The following PDCD11 variants were observed in gnomAD, a reference collection of about 807,000 sequenced individuals.
The protein encoded by PDCD11 is protein RRP5 homolog.
In PDCD11, 97 loss-of-function variants were observed where a neutral mutation model predicts 198.9. That is an observed-to-expected ratio of 0.49 (90% CI 0.41 to 0.58). The LOEUF (loss-of-function observed/expected upper bound fraction) is 0.58, where lower values mean the gene tolerates loss of function less well. PDCD11 is among the 20% of genes least tolerant of loss of function. The pLI is 0.00. For synonymous variants in PDCD11, 893 were observed against 918.0 expected, an observed-to-expected ratio of 0.97 and a Z score of 0.49; for missense variants, 2,102 against 2,312.7, an observed-to-expected ratio of 0.91 and a Z score of 1.87.
chr10:103,413,380 CAGG>C, intron 9 of PDCD11, 58 bp downstream of exon 9: 1 of 1,389,652 alleles, frequency 7.2e-7, no homozygotes, highest in Non-Finnish European at 1.0e-6. Flanking sequence ...TTCTGGAGCA[CAGG>C]GGGCCATTTC....
chr10:103,408,276 G>A (rs1251453484), intron 7 of PDCD11, among the ~76,000 whole-genome samples: 1 of 151,824 alleles, frequency 6.6e-6, no homozygotes, highest in Non-Finnish European at 1.5e-5. Context: ...GGTATCCTAG[G>A]ACTTCCCTTC....
At chr10:103,421,702 C>T (rs141364482) in intron 17 of PDCD11, 135 bp downstream of exon 17, 256 of 625,494 alleles carry the variant, frequency 4.1e-4, no homozygotes, top group Non-Finnish European at 5.5e-4. Flanking sequence ...CGGTGGCTCA[C>T]GCCTGTAATC....
Position 103,421,421 on chromosome 10 carries a change from C to G in PDCD11, c.2351C>G (p.Thr784Ser). Residue 784 changes from threonine to serine, a missense_variant, in exon 17 of 36, where the codon ACC (threonine) becomes AGC (serine). Thr to Ser is a moderately conservative substitution (Grantham distance 58). Transcript: ENST00000369797. Reference sequence around the variant, plus strand: ...GGCCAGACAGTAGCGGCAAAGGTGACCAATGTGGATGAGGAGAAGCAGCGG... The same window carrying G: ...GGCCAGACAGTAGCGGCAAAGGTGAGCAATGTGGATGAGGAGAAGCAGCGG... ...VEGQTVAAKV[T>S]NVDEEKQRML... The G allele has an allele frequency of 6.2e-7, 1 of 1,608,182 alleles. No homozygotes were observed. Among genetic ancestry groups the G allele is most frequent in the Non-Finnish European group, 8.5e-7 (1 of 1,177,374 alleles).
At chr10:103,401,562 G>A (rs2030063291) in intron 3 of PDCD11, among the ~76,000 whole-genome samples, 1 of 151,554 alleles carries the variant, frequency 6.6e-6, no homozygotes, top group Non-Finnish European at 1.5e-5. Context: ...AGCCACCGCG[G>A]CCAGCCTGCC....
At chr10:103,426,940 T>TA (rs1260208262) in intron 20 of PDCD11, among the ~76,000 whole-genome samples, 24 of 148,294 alleles carry the variant, frequency 1.6e-4, no homozygotes, top group East Asian at 9.8e-4. Context: ...AAAAAAAAAA[T>TA]AAATAAATAA....
intron 8 of PDCD11, among the ~76,000 whole-genome samples, chr10:103,410,795 G>T (rs2030755217): frequency 6.6e-6 from 1 of 151,568 alleles, no homozygotes; most frequent in Admixed American, 6.6e-5. Flanking sequence ...TTTTTTTTAG[G>T]CCAGGTGTGG....
At chr10:103,424,922 G>A (rs2133719646) in intron 19 of PDCD11, 62 bp from the exon 20 acceptor site, 2 of 1,572,704 alleles carry the variant, frequency 1.3e-6, no homozygotes, top group Non-Finnish European at 1.7e-6. Context: ...GCCCAGTGGG[G>A]CCATGAGTGA....
intron 20 of PDCD11, among the ~76,000 whole-genome samples, chr10:103,426,713 G>A (rs2133723976): frequency 6.6e-6 from 1 of 151,982 alleles, no homozygotes; most frequent in South Asian, 2.1e-4. Flanking sequence ...TTGAACTCAG[G>A]AGGCAGAGGT....
At position 103,440,834 on chromosome 10, in the gene PDCD11, C is replaced by A. The variant is rs145340744; in HGVS notation, c.4541C>A (p.Thr1514Lys). Residue 1514 changes from threonine to lysine, a missense_variant, in exon 30 of 36, where the codon ACG (threonine) becomes AAG (lysine). Physicochemically the swap from Thr to Lys is moderately conservative, Grantham distance 78. Coordinates refer to ENST00000369797, the MANE Select transcript of PDCD11 (RefSeq NM_014976.2). ...YREGKEEAEE[T>K]NVLPKEKQTK... ...GAGGGAAAAGAGGAGGCAGAAGAGA[C>A]GAATGTGCTGCCCAAGGTGAGGGTG... 2.5e-6 allele frequency: 4 copies of A among 1,611,122 alleles called. No homozygotes were observed. Among genetic ancestry groups the A allele is most frequent in the South Asian group, 2.2e-5 (2 of 90,648 alleles).
intron 14 of PDCD11, among the ~76,000 whole-genome samples, chr10:103,418,174 C>T (rs2031219452): frequency 6.6e-6 from 1 of 152,144 alleles, no homozygotes; most frequent in Non-Finnish European, 1.5e-5. Flanking sequence ...CCTCTCGGGT[C>T]CCTAGGGCCA....
chr10:103,421,434 G>A lies in PDCD11; in HGVS notation c.2364G>A (p.Glu788=). ...TVAAKVTNVD[E]EKQRMLLSLR... is the part of the protein sequence containing the mutation. ...CGGCAAAGGTGACCAATGTGGATGAGGAGAAGCAGCGGATGCTGCTGTCAC... is the reference window on the plus strand; with the variant it reads ...CGGCAAAGGTGACCAATGTGGATGAAGAGAAGCAGCGGATGCTGCTGTCAC... The change falls in exon 17 of 36, where the codon GAG becomes GAA. Residue 788 remains glutamate, a synonymous_variant. Coordinates refer to ENST00000369797, the MANE Select transcript of PDCD11 (RefSeq NM_014976.2). The A allele has an allele frequency of 6.2e-7, 1 of 1,607,270 alleles. No individual in the cohort carries two copies. The highest frequency in any genetic ancestry group is 8.5e-7 in the Non-Finnish European group (1 of 1,176,894).
At chr10:103,433,487 ACT>A (rs1405966966) in intron 22 of PDCD11, among the ~76,000 whole-genome samples, 3 of 152,016 alleles carry the variant, frequency 2.0e-5, no homozygotes, top group East Asian at 1.9e-4. Context: ...ACAGAGCGAG[ACT>A]CTGTCTCAAA....
chr10:103,418,327 C>T (rs2031231768), intron 14 of PDCD11, 113 bp from the exon 15 acceptor site: 1 of 839,186 alleles, frequency 1.2e-6, no homozygotes, highest in East Asian at 2.5e-5. Context: ...AGAAAGCTGC[C>T]TCTTAGAGAT....
At chr10:103,424,440 G>T (rs1488873685) in intron 19 of PDCD11, among the ~76,000 whole-genome samples, 1 of 152,204 alleles carries the variant, frequency 6.6e-6, no homozygotes, top group Non-Finnish European at 1.5e-5. Flanking sequence ...TTTCTAGCAG[G>T]ACCCTGTACC....
intron 12 of PDCD11, 82 bp downstream of exon 12, chr10:103,415,233 C>T (rs1171680938): frequency 1.1e-5 from 15 of 1,405,796 alleles, no homozygotes; most frequent in Non-Finnish European, 1.5e-5. Flanking sequence ...CCTTTTTCCA[C>T]AAAGTGAGTG....
chr10:103,440,178 A>G, intron 28 of PDCD11, 112 bp from the exon 29 acceptor site: 1 of 1,463,032 alleles, frequency 6.8e-7, no homozygotes, highest in Admixed American at 2.3e-5. Flanking sequence ...CCCAAGGCAG[A>G]TGGGGGCAGG....
intron 25 of PDCD11, 150 bp from the exon 26 acceptor site, chr10:103,437,865 C>T (rs542426160): frequency 4.7e-6 from 3 of 634,974 alleles, no homozygotes; most frequent in Non-Finnish European, 8.5e-6. Flanking sequence ...AGTCCCTCAG[C>T]AGGTTTTCAA....
Position 103,414,068 on chromosome 10 carries a change from C to T in PDCD11, c.1288C>T (p.Leu430=). 6.2e-7 allele frequency: 1 copy of T among 1,613,024 alleles called. No homozygotes were observed. The highest frequency in any genetic ancestry group is 2.2e-5 in the East Asian group (1 of 44,870). Residue 430 remains leucine (L), a synonymous_variant, in exon 10 of 36, where the codon CTG becomes TTG. Transcript: ENST00000369797. ...RIIDYSQMDE[L]ALLSLRTSII... ...TATTGACTACAGCCAAATGGATGAA[C>T]TGGCCTTGCTCTCTCTACGAACGTA...
chr10:103,429,531 ACAGATGGCC>A (rs2031836985), intron 21 of PDCD11, among the ~76,000 whole-genome samples: 1 of 151,282 alleles, frequency 6.6e-6, no homozygotes, highest in Non-Finnish European at 1.5e-5. Context: ...TCCCTGGCTT[ACAGATGGCC>A]ATCTTCTCCC....
Sources: allele counts gnomAD v4.1 joint callset (sites outside exome capture counted in the v4.1 genomes callset), GRCh38; gene constraint gnomAD v4.1.1; transcripts MANE v1.5; gene names NCBI Gene and HGNC (gene_info 2026-07-23, HGNC 2026-07-21).